Variants in CD96 observed in about 807,000 individuals in gnomAD.
CD96 encodes T-cell surface protein tactile.
CD96 carries 70 observed loss-of-function variants against 71.3 expected under a neutral mutation model. The observed-to-expected ratio is 0.98, with a 90% CI of 0.81 to 1.20. The LOEUF (loss-of-function observed/expected upper bound fraction) is 1.20, where lower values mean the gene tolerates loss of function less well. CD96 is among the 50% of genes most tolerant of loss of function. The pLI, the probability that CD96 is intolerant of heterozygous loss-of-function variation, is 0.00. For synonymous variants in CD96, 248 were observed against 233.0 expected, an observed-to-expected ratio of 1.06 and a Z score of -0.59; for missense variants, 742 against 677.5, an observed-to-expected ratio of 1.10 and a Z score of -1.06.
intron 8 of CD96, among the ~76,000 whole-genome samples, chr3:111,611,018 C>T (rs555437027): frequency 6.6e-6 from 1 of 152,308 alleles, no homozygotes; most frequent in African/African-American, 2.4e-5. Context: ...ACAGAGCTTA[C>T]GATCCTGTGT....
At chr3:111,654,198 G>A (rs1413287024), downstream of CD96, among the ~76,000 whole-genome samples, 1 of 152,176 alleles carries the variant, frequency 6.6e-6, no homozygotes, top group South Asian at 2.1e-4. Flanking sequence ...TCATGGCTGT[G>A]TCAACCAGCT....
At chr3:111,545,537 G>A (rs1279931342) in intron 2 of CD96, 135 bp downstream of exon 2, 3 of 709,650 alleles carry the variant, frequency 4.2e-6, no homozygotes, top group Admixed American at 2.0e-5. Context: ...TGTCTGATAA[G>A]AGAGACAGGA....
chr3:111,607,779 G>A (rs572164213), intron 8 of CD96, among the ~76,000 whole-genome samples: 1 of 152,146 alleles, frequency 6.6e-6, no homozygotes, highest in South Asian at 2.1e-4. Context: ...CCCATCAAAA[G>A]TTTCATATCC....
intron 12 of CD96, among the ~76,000 whole-genome samples, chr3:111,639,310 G>A (rs1325367322): frequency 6.6e-6 from 1 of 152,140 alleles, no homozygotes; most frequent in Non-Finnish European, 1.5e-5. Flanking sequence ...GAGTGAGAAT[G>A]GCCTGTCAGT....
chr3:111,568,471 A>G (rs559744560), intron 3 of CD96, among the ~76,000 whole-genome samples: 7 of 152,220 alleles, frequency 4.6e-5, no homozygotes, highest in Non-Finnish European at 7.3e-5. Context: ...GTTGCTTAAC[A>G]TGCTTAACAT....
At position 111,545,371 on chromosome 3, in the gene CD96, T is replaced by G; in HGVS notation, c.387T>G (p.Thr129=). The G allele has an allele frequency of 6.2e-7, 1 of 1,610,586 alleles. No homozygotes were observed. Among genetic ancestry groups the G allele is most frequent in the South Asian group, 1.1e-5 (1 of 90,996 alleles). Residue 129 remains threonine (T), a synonymous_variant, in exon 2 of 14, where the codon ACT becomes ACG. Coordinates refer to ENST00000352690, the MANE Select transcript of CD96 (RefSeq NM_005816.5). The part of the protein sequence containing the change: ...MLVLYPEGIQ[T]KIYNLLIQTH... ...TTCTGTATCCAGAGGGCATTCAGACTAAAATCTACAACCTTCTCATTCAGA... is the reference window on the plus strand; with the variant it reads ...TTCTGTATCCAGAGGGCATTCAGACGAAAATCTACAACCTTCTCATTCAGA...
chr3:111,659,417 G>A (rs891658549), intron 14 of CD96, among the ~76,000 whole-genome samples: 3 of 151,948 alleles, frequency 2.0e-5, no homozygotes, highest in Non-Finnish European at 4.4e-5. Flanking sequence ...TTTGGGGTTG[G>A]TTTTCTATTC....
In CD96 at chr3:111,648,302, C is replaced by T. The variant is rs74884549; in HGVS notation, c.1601+636C>T. On this transcript the variant is annotated intron_variant, in intron 13 of 13. Transcript: ENST00000352690. ...TGGGTTGGGCCATAACTGGAAGGGA[C>T]CCCAGTACCCAGAACTGATCTTCCA... Among the ~76,000 whole-genome samples, 1,147 of 152,250 alleles carry T rather than the reference C, an allele frequency of 7.5e-3. 16 individuals are homozygous for T. Among genetic ancestry groups the T allele is most frequent in the African/African-American group, 0.026 (1,088 of 41,544 alleles).
Position 111,545,335 on chromosome 3 carries a change from G to C in CD96, c.351G>C (p.Glu117Asp). ...NMSCSVSGRY[E>D]CMLVLYPEGI... The stretch of plus-strand genomic sequence containing the variant: ...CTTGTTCAGTCAGTGGAAGGTACGA[G>C]TGTATGCTTGTTCTGTATCCAGAGG... The change falls in exon 2 of 14, where the codon GAG becomes GAC. Residue 117 changes from glutamate to aspartate, a missense_variant. By Grantham distance (45) the Glu-to-Asp change is conservative. Coordinates refer to ENST00000352690, the MANE Select transcript of CD96 (RefSeq NM_005816.5). The C allele has an allele frequency of 6.2e-7, 1 of 1,614,096 alleles. No individual in the cohort carries two copies. Among genetic ancestry groups the C allele is most frequent in the Non-Finnish European group, 8.5e-7 (1 of 1,179,920 alleles).
chr3:111,561,866 G>C (rs1460000902), intron 2 of CD96, among the ~76,000 whole-genome samples: 2 of 150,778 alleles, frequency 1.3e-5, no homozygotes, highest in Non-Finnish European at 3.0e-5. Context: ...GCGAGATTCC[G>C]TGGGCGTAGG....
At chr3:111,554,723 G>A (rs186892075) in intron 2 of CD96, among the ~76,000 whole-genome samples, 3 of 152,204 alleles carry the variant, frequency 2.0e-5, no homozygotes, top group African/African-American at 7.2e-5. Context: ...GACTGTGGTG[G>A]AGGGGGATGG....
intron 10 of CD96, chr3:111,634,630 CT>C (rs1159776010): frequency 1.3e-5 from 2 of 152,206 alleles, no homozygotes; most frequent in African/African-American, 2.4e-5. Context: ...GGCACGGTGG[CT>C]CACGCCTGTA....
intron 5 of CD96, chr3:111,593,858 T>C (rs768937731): frequency 1.2e-6 from 2 of 1,613,908 alleles, no homozygotes; most frequent in African/African-American, 1.3e-5. Flanking sequence ...AGCCTGACCA[T>C]GGCCACTCTT....
intron 10 of CD96, among the ~76,000 whole-genome samples, chr3:111,628,335 C>A (rs554355112): frequency 6.6e-6 from 1 of 152,262 alleles, no homozygotes; most frequent in African/African-American, 2.4e-5. Flanking sequence ...AGGAACATAA[C>A]CAATCTGATA....
chr3:111,580,264 C>T lies in CD96; in HGVS notation c.751+1030C>T, dbSNP rs755996247. On this transcript the variant is annotated intron_variant, in intron 4 of 13. Coordinates refer to ENST00000352690, the MANE Select transcript of CD96 (RefSeq NM_005816.5). ...CACTCAAAATGCAGACTATCTGCAG[C>T]GTGCCAATTTAAGGAGGAAAGGTTA... Among the ~76,000 whole-genome samples the T allele has an allele frequency of 4.6e-5, 7 of 152,116 alleles. No homozygotes were observed. In the South Asian group the frequency reaches 6.2e-4, roughly 14 times the overall value.
chr3:111,562,092 G>A (rs1027956101), intron 2 of CD96, among the ~76,000 whole-genome samples: 42 of 152,210 alleles, frequency 2.8e-4, no homozygotes, highest in African/African-American at 6.5e-4. Flanking sequence ...GCACCCACTG[G>A]CCTGCGCCCA....
chr3:111,626,226 G>A (rs531730340), intron 10 of CD96, among the ~76,000 whole-genome samples: 33 of 151,070 alleles, frequency 2.2e-4, no homozygotes, highest in African/African-American at 2.4e-4. Flanking sequence ...GTGTGAACCC[G>A]GGAGGCGGAG....
chr3:111,639,506 T>C (rs1401560987), intron 12 of CD96, among the ~76,000 whole-genome samples: 3 of 152,138 alleles, frequency 2.0e-5, no homozygotes, highest in Non-Finnish European at 4.4e-5. Context: ...AGCTCAGACA[T>C]GCCTAGCCCT....
At chr3:111,573,560 C>T (rs776942954) in intron 3 of CD96, among the ~76,000 whole-genome samples, 5 of 151,858 alleles carry the variant, frequency 3.3e-5, no homozygotes, top group South Asian at 2.1e-4. Context: ...GTAGTGCAGA[C>T]GGGAAAATGC....
Sources: allele counts gnomAD v4.1 joint callset (sites outside exome capture counted in the v4.1 genomes callset), GRCh38; gene constraint gnomAD v4.1.1; transcripts MANE v1.5; gene names NCBI Gene and HGNC (gene_info 2026-07-23, HGNC 2026-07-21).